The following HSPD1 variants were observed in gnomAD, a reference collection of about 807,000 sequenced individuals.
The protein encoded by HSPD1 is heat shock protein family D (Hsp60) member 1.
HSPD1 carries 3 observed loss-of-function variants against 53.0 expected under a neutral mutation model. That is an observed-to-expected ratio of 0.06 (90% CI 0.03 to 0.15). HSPD1 has a LOEUF of 0.15. Among genes scored for constraint, HSPD1 ranks in the 10% least tolerant of loss-of-function variants. The pLI is 1.00. For missense variants in HSPD1, 431 were observed against 694.1 expected (o/e 0.62, Z 4.26); for synonymous variants, 200 against 228.0 (o/e 0.88, Z 1.10).
intron 7 of HSPD1, among the ~76,000 whole-genome samples, chr2:197,490,764 G>C (rs1057212816): frequency 4.6e-5 from 7 of 152,134 alleles, no homozygotes; most frequent in Non-Finnish European, 7.3e-5. Context: ...TAAGTTATAG[G>C]ATACAGTGAT....
intron 7 of HSPD1, among the ~76,000 whole-genome samples, chr2:197,491,441 T>C (rs541211094): frequency 3.3e-5 from 5 of 152,132 alleles, no homozygotes; most frequent in Admixed American, 2.6e-4. Context: ...ATTACAGGCA[T>C]GAGTCACCAC....
rs1349445275 is a variant in HSPD1, at chr2:197,494,707, T to G, written c.556A>C (p.Ile186Leu). The part of the protein sequence containing the change: ...ANGDKEIGNI[I>L]SDAMKKVGRK... ...CCAACTTTTTTCATTGCATCAGAGATGATATTGCCAATTTCTTTGTCTCCG... is the reference window on the plus strand; with the variant it reads ...CCAACTTTTTTCATTGCATCAGAGAGGATATTGCCAATTTCTTTGTCTCCG... The change falls in exon 5 of 12, where the codon ATC (isoleucine) becomes CTC (leucine). Residue 186 changes from isoleucine to leucine, a missense_variant. Ile to Leu is a conservative substitution (Grantham distance 5). Transcript: ENST00000388968. 1 of 1,613,112 alleles carries G rather than the reference T, an allele frequency of 6.2e-7. No individual in the cohort carries two copies. Among genetic ancestry groups the G allele is most frequent in the Admixed American group, 1.7e-5 (1 of 60,024 alleles).
chr2:197,489,644 G>A (rs1242127264), intron 8 of HSPD1, among the ~76,000 whole-genome samples: 1 of 152,132 alleles, frequency 6.6e-6, no homozygotes, highest in African/African-American at 2.4e-5. Flanking sequence ...CATATTGCTT[G>A]AGTCCAGAAG....
intron 8 of HSPD1, among the ~76,000 whole-genome samples, chr2:197,489,900 T>TCA (rs1175730368): frequency 2.0e-5 from 3 of 149,418 alleles, no homozygotes; most frequent in African/African-American, 7.4e-5. Context: ...ATAAGAATAG[T>TCA]CAATATAGAT....
At position 197,498,827 on chromosome 2, in the gene HSPD1, A is replaced by T; in HGVS notation, c.22T>A (p.Phe8Ile). Residue 8 changes from phenylalanine to isoleucine, a missense_variant, in exon 2 of 12, where the codon TTT becomes ATT. This residue lies in a region of HSPD1 where 45 missense variants were observed against 36.5 expected (regional missense o/e 1.23). Transcript: ENST00000388968. ...CTGGACACCGGTCTCATCTGGCGAA[A>T]GACTGTGGGTAACCGAAGCATTTCT... MLRLPTV[F>I]RQMRPVSRVL... 2 of 1,614,218 alleles carry T rather than the reference A, an allele frequency of 1.2e-6. No individual in the cohort carries two copies. Among genetic ancestry groups the T allele is most frequent in the Non-Finnish European group, 8.5e-7 (1 of 1,180,030 alleles).
At chr2:197,496,624 T>C (rs1001688656) in intron 3 of HSPD1, among the ~76,000 whole-genome samples, 7 of 152,166 alleles carry the variant, frequency 4.6e-5, no homozygotes, top group South Asian at 2.1e-4. Context: ...GAGGAGCAAA[T>C]TGTTAATTAA....
intron 7 of HSPD1, among the ~76,000 whole-genome samples, chr2:197,491,583 T>G (rs563286514): frequency 6.6e-6 from 1 of 152,252 alleles, no homozygotes; most frequent in East Asian, 1.9e-4. Context: ...TACCTGTTAA[T>G]GTATGCATTT....
Position 197,497,195 on chromosome 2 carries a change from G to A in HSPD1, c.372C>T (p.Ala124=), listed in dbSNP as rs1262384251. 6.2e-7 allele frequency: 1 copy of A among 1,613,934 alleles called. No individual in the cohort carries two copies. The highest frequency in any genetic ancestry group is 1.1e-5 in the South Asian group (1 of 91,082). The part of the protein sequence containing the change: ...TTATVLARSI[A]KEGFEKISKG... ...TGCTAATCTTCTCGAAGCCTTCCTTGGCTATAGAGCGTGCCAGTACAGTAG... is the reference window on the plus strand; with the variant it reads ...TGCTAATCTTCTCGAAGCCTTCCTTAGCTATAGAGCGTGCCAGTACAGTAG... The change falls in exon 3 of 12, where the codon GCC becomes GCT. Residue 124 remains alanine (A), a synonymous_variant. Transcript: ENST00000388968.
At chr2:197,497,611 T>C (rs973257804) in intron 2 of HSPD1, 5 of 578,816 alleles carry the variant, frequency 8.6e-6, no homozygotes, top group Admixed American at 6.1e-5. Flanking sequence ...AATTTTGAAC[T>C]AGGTAATTTA....
Position 197,498,224 on chromosome 2 carries a change from T to A in HSPD1, c.174+451A>T, listed in dbSNP as rs534524785. ...ATAAATGTAATTGATGTCCCCAAAGTGCACACTTAATGGTAATTTTATGTT... is the reference window on the plus strand; with the variant it reads ...ATAAATGTAATTGATGTCCCCAAAGAGCACACTTAATGGTAATTTTATGTT... On this transcript the variant is annotated intron_variant, in intron 2 of 11. Coordinates refer to ENST00000388968, the MANE Select transcript of HSPD1 (RefSeq NM_002156.5). 7.9e-5 allele frequency among the ~76,000 whole-genome samples: 12 copies of A among 152,300 alleles called. No homozygotes were observed. In the East Asian group the frequency reaches 2.3e-3, roughly 29 times the overall value.
At chr2:197,496,195 A>C (rs2086155219) in intron 3 of HSPD1, among the ~76,000 whole-genome samples, 1 of 152,212 alleles carries the variant, frequency 6.6e-6, no homozygotes, top group South Asian at 2.1e-4. Flanking sequence ...CATCAGTCTT[A>C]ATAGTCCCAT....
intron 1 of HSPD1, 68 bp from the exon 2 acceptor site, chr2:197,498,918 C>T: frequency 7.2e-7 from 1 of 1,395,062 alleles, no homozygotes; most frequent in Non-Finnish European, 1.0e-6. Flanking sequence ...AACATGCCCA[C>T]CTGTGCAACA....
In HSPD1 at chr2:197,497,553, A is replaced by G. The variant is rs1337192612; in HGVS notation, c.175-161T>C. The G allele has an allele frequency of 5.8e-6, 4 of 689,348 alleles. No homozygotes were observed. The Admixed American group carries it at 1.0e-4, about 18-fold the overall frequency. The allele number at this position is 689,348 out of a possible 1,614,324, so 42.7% of individuals were successfully genotyped here. A position where few individuals can be genotyped will look rare whatever the true frequency, so the allele number is the denominator to read the frequency against. On this transcript the variant is annotated intron_variant, in intron 2 of 11. Coordinates refer to ENST00000388968, the MANE Select transcript of HSPD1 (RefSeq NM_002156.5). ...ATGAACCTCAAGGGCAAGTTTATCG[A>G]CATTCTTTGTCTACAGACAAAATGA...
At position 197,493,452 on chromosome 2, in the gene HSPD1, A is replaced by G; in HGVS notation, c.741T>C (p.Ser247=). The change falls in exon 7 of 12, where the codon AGT becomes AGC. Residue 247 remains serine, a synonymous_variant. Transcript: ENST00000388968. ...ACTGGATACTAGAAATTTTCTTTTC[A>G]CTCAACAGAACATAGGCATCCTGGA... ...CEFQDAYVLL[S]EKKISSIQSI... 6.2e-7 allele frequency: 1 copy of G among 1,613,066 alleles called. No individual in the cohort carries two copies. Among genetic ancestry groups the G allele is most frequent in the Non-Finnish European group, 8.5e-7 (1 of 1,179,032 alleles).
At chr2:197,490,641 C>G (rs766235937) in intron 7 of HSPD1, 3 of 300,630 alleles carry the variant, frequency 1.0e-5, no homozygotes, top group African/African-American at 2.2e-5. Flanking sequence ...CCAGCCTGGC[C>G]AAGATGGTGA....
intron 5 of HSPD1, 40 bp downstream of exon 5, chr2:197,494,617 G>A: frequency 8.9e-7 from 1 of 1,120,394 alleles, no homozygotes; most frequent in Non-Finnish European, 1.3e-6. Context: ...TTGATCATAA[G>A]ATAACTCAAA....
rs1333889592 is a variant in HSPD1 at position 197,498,947 on chromosome 2, G to A, written c.-2-97C>T. On this transcript the variant is annotated intron_variant, in intron 1 of 11. Coordinates refer to ENST00000388968, the MANE Select transcript of HSPD1 (RefSeq NM_002156.5). ...TGCAACAGAGCAAGCAACGTGAGAT[G>A]CTGAGCCTGGCTGACCTCCGCCAGC... 3 of 1,067,716 alleles carry A rather than the reference G, an allele frequency of 2.8e-6. No homozygotes were observed. In the Admixed American group the frequency reaches 6.0e-5, roughly 21 times the overall value. The allele number at this position is 1,067,716 out of a possible 1,614,324, so 66.1% of individuals were successfully genotyped here.
rs374854017 is a variant in HSPD1, at chr2:197,497,103, A to T, written c.427+37T>A. The T allele has an allele frequency of 1.1e-5, 17 of 1,605,502 alleles. No individual in the cohort carries two copies. The East Asian group carries it at 2.5e-4, about 23-fold the overall frequency. The stretch of plus-strand genomic sequence containing the variant: ...GGAATCAATGCCTTAAAGCACACTG[A>T]AGTTTAGAACACTGTGGTGACAACA... On this transcript the variant is annotated intron_variant, in intron 3 of 11. Transcript: ENST00000388968.
At chr2:197,488,220 G>A (rs1163816381) in intron 10 of HSPD1, 97 bp downstream of exon 10, 1 of 1,123,902 alleles carries the variant, frequency 8.9e-7, no homozygotes, top group African/African-American at 1.5e-5. Context: ...TGTTATTCAG[G>A]AAATGAATGT....
Sources: gnomAD v4.1 joint callset for allele counts (sites outside exome capture counted in the v4.1 genomes callset) on GRCh38, gnomAD v4.1.1 for gene constraint, gnomAD v4.1.1 regional missense constraint, MANE v1.5 for transcripts, NCBI Gene and HGNC (gene_info 2026-07-23, HGNC 2026-07-21) for gene names.